MGAT4C: variants seen among roughly 807,000 people sequenced by gnomAD.
The protein encoded by MGAT4C is MGAT4 family member C.
MGAT4C carries 19 observed loss-of-function variants against 40.1 expected under a neutral mutation model. That is an observed-to-expected ratio of 0.47 (90% confidence interval 0.33 to 0.70). MGAT4C has a LOEUF of 0.70. Among genes scored for constraint, MGAT4C ranks in the 30% least tolerant of loss-of-function variants. MGAT4C has a pLI of 0.02. For missense variants in MGAT4C, 491 were observed against 563.2 expected (o/e 0.87, Z 1.30); for synonymous variants, 181 against 187.1 (o/e 0.97, Z 0.27).
At chr12:86,577,650 T>C (rs1960616725) in intron 2 of MGAT4C, among the ~76,000 whole-genome samples, 1 of 151,954 alleles carries the variant, frequency 6.6e-6, no homozygotes, top group South Asian at 2.1e-4. Context: ...TTGGTCATGA[T>C]TAATGATCTT....
intron 4 of MGAT4C, among the ~76,000 whole-genome samples, chr12:86,295,820 G>A (rs1367232058): frequency 6.7e-6 from 1 of 150,236 alleles, no homozygotes; most frequent in Non-Finnish European, 1.5e-5. Flanking sequence ...TACAGAGTGT[G>A]GATTGGTGCA....
At chr12:86,046,749 T>C (rs1023711853) in intron 2 of MGAT4C, among the ~76,000 whole-genome samples, 1 of 152,126 alleles carries the variant, frequency 6.6e-6, no homozygotes, top group Admixed American at 6.6e-5. Flanking sequence ...TTGTCTTAAT[T>C]CTCATTCTGT....
At chr12:86,114,654 T>C (rs530112347) in intron 1 of MGAT4C, among the ~76,000 whole-genome samples, 14 of 152,052 alleles carry the variant, frequency 9.2e-5, no homozygotes, top group East Asian at 5.8e-4. Flanking sequence ...ACTCGTGCCA[T>C]ATAAGAAATG....
intron 1 of MGAT4C, among the ~76,000 whole-genome samples, chr12:86,173,355 T>C (rs1887049550): frequency 6.6e-6 from 1 of 152,126 alleles, no homozygotes; most frequent in Non-Finnish European, 1.5e-5. Flanking sequence ...AAGAGATATA[T>C]ATTTTTAGAA....
intron 2 of MGAT4C, among the ~76,000 whole-genome samples, chr12:86,558,189 C>G (rs1959701893): frequency 6.6e-6 from 1 of 151,894 alleles, no homozygotes; most frequent in Non-Finnish European, 1.5e-5. Context: ...AAAGATGAAG[C>G]CTGCTTATAT....
chr12:86,575,816 T>C lies in MGAT4C; in HGVS notation c.-228-140551A>G, dbSNP rs543371260. Among the ~76,000 whole-genome samples, 5 of 151,894 alleles carry C rather than the reference T, an allele frequency of 3.3e-5. No homozygotes were observed. In the South Asian group the frequency reaches 1.0e-3, roughly 31 times the overall value. On this transcript the variant is annotated intron_variant, in intron 2 of 7. Transcript: ENST00000548651. ...TCCCTAGTGATTGTATTAATTTACA[T>C]TCCCACCAACAATGCACAATGTCCC...
At position 86,808,903 on chromosome 12, in the gene MGAT4C, C is replaced by G. The variant is rs140984431; in HGVS notation, c.-262+29763G>C. Among the ~76,000 whole-genome samples, 264 of 152,192 alleles carry G rather than the reference C, an allele frequency of 1.7e-3. 1 individual carries two copies. Among genetic ancestry groups the G allele is most frequent in the African/African-American group, 6.1e-3 (253 of 41,540 alleles). On this transcript the variant is annotated intron_variant, in intron 1 of 7. Coordinates refer to the MGAT4C transcript ENST00000548651. ...AAACCTTGTCGTCTCAGCCCAAAAG[C>G]TTCTTAAGCTGGTAAGCAACTTCAC...
intron 3 of MGAT4C, among the ~76,000 whole-genome samples, chr12:86,339,292 T>A (rs1244272054): frequency 6.6e-6 from 1 of 152,132 alleles, no homozygotes; most frequent in Non-Finnish European, 1.5e-5. Flanking sequence ...GAGCAGGCAA[T>A]GCTCATATAG....
At chr12:86,602,729 T>C (rs891135724) in intron 2 of MGAT4C, among the ~76,000 whole-genome samples, 1 of 152,170 alleles carries the variant, frequency 6.6e-6, no homozygotes, top group Non-Finnish European at 1.5e-5. Flanking sequence ...AATTATGTGG[T>C]ATTACTTTTA....
chr12:86,063,321 T>A (rs1225054044), intron 1 of MGAT4C, among the ~76,000 whole-genome samples: 1 of 152,062 alleles, frequency 6.6e-6, no homozygotes, highest in Non-Finnish European at 1.5e-5. Flanking sequence ...GACAAGCAAA[T>A]GCTGAGAGAT....
intron 4 of MGAT4C, among the ~76,000 whole-genome samples, chr12:86,320,405 G>C (rs1364453031): frequency 2.0e-5 from 3 of 152,076 alleles, no homozygotes; most frequent in African/African-American, 4.8e-5. Flanking sequence ...TTACCAAAGA[G>C]TGGCATTTTC....
intron 2 of MGAT4C, among the ~76,000 whole-genome samples, chr12:86,544,435 T>C (rs1718405957): frequency 6.6e-6 from 1 of 152,206 alleles, no homozygotes; most frequent in Non-Finnish European, 1.5e-5. Context: ...TGTGTAACAT[T>C]TTGATGTTTA....
At chr12:86,743,574 C>T (rs1951106676) in intron 1 of MGAT4C, among the ~76,000 whole-genome samples, 1 of 151,340 alleles carries the variant, frequency 6.6e-6, no homozygotes, top group Non-Finnish European at 1.5e-5. Context: ...TGCTAATTAG[C>T]CGGATAGTAT....
At chr12:86,786,435 G>T (rs5029474) in intron 1 of MGAT4C, among the ~76,000 whole-genome samples, 2,796 of 151,124 alleles carry the variant, frequency 0.019, 31 homozygotes, top group African/African-American at 0.037. Context: ...TCTTTTTTTT[G>T]GTTTCAGAAG....
chr12:86,011,145 T>G (rs1888431577), intron 2 of MGAT4C, among the ~76,000 whole-genome samples: 1 of 152,094 alleles, frequency 6.6e-6, no homozygotes, highest in African/African-American at 2.4e-5. Flanking sequence ...ACTTTCTAAA[T>G]CAGAAACACA....
chr12:86,333,472 AG>A (rs1954717509), intron 4 of MGAT4C, among the ~76,000 whole-genome samples: 1 of 152,110 alleles, frequency 6.6e-6, no homozygotes, highest in Non-Finnish European at 1.5e-5. Flanking sequence ...TAGCCATGGC[AG>A]GGTTCAAGAA....
At position 86,818,461 on chromosome 12, in the gene MGAT4C, TGAA is replaced by T. The variant is rs1313893411; in HGVS notation, c.-262+20202_-262+20204del. 7.3e-5 allele frequency among the ~76,000 whole-genome samples: 11 copies of T among 150,950 alleles called. No homozygotes were observed. In the Admixed American group the frequency reaches 7.3e-4, roughly 10 times the overall value. The stretch of plus-strand genomic sequence containing the variant: ...GGGATAAGGTAATAGAAAATCAGAG[TGAA>T]TTGTTAGAGGCATGGAAACTGTAGT... On this transcript the variant is annotated intron_variant, in intron 1 of 7. Coordinates refer to the MGAT4C transcript ENST00000548651.
At chr12:86,833,820 A>G (rs1316454361) in intron 1 of MGAT4C, among the ~76,000 whole-genome samples, 1 of 151,842 alleles carries the variant, frequency 6.6e-6, no homozygotes, top group Non-Finnish European at 1.5e-5. Context: ...GAAGCCTGAG[A>G]AGGGTACACC....
At chr12:86,270,097 C>T (rs968598949) in intron 4 of MGAT4C, among the ~76,000 whole-genome samples, 2 of 151,990 alleles carry the variant, frequency 1.3e-5, no homozygotes, top group African/African-American at 4.8e-5. Flanking sequence ...GACAGAGTCT[C>T]ACTCTGTCCT....
Sources: allele counts gnomAD v4.1 joint callset (sites outside exome capture counted in the v4.1 genomes callset), GRCh38; gene constraint gnomAD v4.1.1; transcripts MANE v1.5; gene names NCBI Gene and HGNC (gene_info 2026-07-23, HGNC 2026-07-21).